SOX5: variants seen among roughly 807,000 people sequenced by gnomAD.
SOX5 encodes the protein transcription factor SOX-5.
A neutral mutation model predicts 92.0 loss-of-function variants in SOX5; 9 were observed. That is an observed-to-expected ratio of 0.10 (90% CI 0.06 to 0.17). SOX5 has a LOEUF of 0.17. Among genes scored for constraint, SOX5 ranks in the 10% least tolerant of loss-of-function variants. SOX5 has a pLI of 1.00. For synonymous variants in SOX5, 344 were observed against 336.3 expected (o/e 1.02, Z -0.25); for missense variants, 642 against 944.5 (o/e 0.68, Z 4.20).
chr12:23,655,991 C>T (rs952161054), intron 7 of SOX5, among the ~76,000 whole-genome samples: 2 of 141,676 alleles, frequency 1.4e-5, no homozygotes, highest in South Asian at 2.2e-4. Context: ...AATAATTTGA[C>T]TTCTTTAGAA....
intron 1 of SOX5, among the ~76,000 whole-genome samples, chr12:24,377,533 A>C (rs567755844): frequency 6.6e-6 from 1 of 152,242 alleles, no homozygotes; most frequent in Non-Finnish European, 1.5e-5. Context: ...CAAAGTTGAA[A>C]TTGGAAGACA....
At chr12:24,343,389 T>C (rs959596916) in intron 2 of SOX5, among the ~76,000 whole-genome samples, 1 of 151,934 alleles carries the variant, frequency 6.6e-6, no homozygotes, top group East Asian at 1.9e-4. Context: ...CTATTGGAAC[T>C]TCAGTTCACT....
intron 2 of SOX5, among the ~76,000 whole-genome samples, chr12:24,320,167 AG>A (rs920145836): frequency 2.6e-5 from 4 of 152,216 alleles, no homozygotes; most frequent in Non-Finnish European, 5.9e-5. Context: ...AAATTACCAA[AG>A]GGGGAAAAGT....
intron 4 of SOX5, among the ~76,000 whole-genome samples, chr12:24,151,355 A>T (rs1339247396): frequency 6.6e-6 from 1 of 152,184 alleles, no homozygotes; most frequent in African/African-American, 2.4e-5. Context: ...TTCATGAAAA[A>T]AAATTCTACA....
chr12:24,311,444 T>C (rs544772493), intron 2 of SOX5, among the ~76,000 whole-genome samples: 1 of 152,288 alleles, frequency 6.6e-6, no homozygotes, highest in South Asian at 2.1e-4. Context: ...TATTATTTTT[T>C]GTCCCCTGCA....
At position 23,970,841 on chromosome 12, in the gene SOX5, A is replaced by ATATATATATATATATATATATTTTT; in HGVS notation, c.-1-74818_-1-74817insAAAAATATATATATATATATATATA. Reference sequence around the variant, plus strand: ...ACATGGGACTTTATATATATATATAATTTTTTTTTTTTTTTAAGAAATGGG... The same window carrying ATATATATATATATATATATATTTTT: ...ACATGGGACTTTATATATATATATAATATATATATATATATATATATTTTTTTTTTTTTTTTTTTTAAGAAATGGG... On this transcript the variant is annotated intron_variant, in intron 4 of 4. Coordinates refer to the SOX5 transcript ENST00000446891. Among the ~76,000 whole-genome samples, 63 of 21,866 alleles carry ATATATATATATATATATATATTTTT rather than the reference A, an allele frequency of 2.9e-3. 14 individuals are homozygous for ATATATATATATATATATATATTTTT. Among genetic ancestry groups the ATATATATATATATATATATATTTTT allele is most frequent in the African/African-American group, 5.5e-3 (44 of 8,032 alleles). The allele number at this position is 21,866 out of a possible 152,430, so 14.3% of individuals were successfully genotyped here.
At chr12:23,635,600 C>A (rs2138566016) in intron 8 of SOX5, among the ~76,000 whole-genome samples, 1 of 151,970 alleles carries the variant, frequency 6.6e-6, no homozygotes, top group Non-Finnish European at 1.5e-5. Context: ...TGCAGCACAC[C>A]AACATGGCAC....
intron 1 of SOX5, among the ~76,000 whole-genome samples, chr12:24,509,623 GC>G (rs1949119388): frequency 6.6e-6 from 1 of 152,154 alleles, no homozygotes; most frequent in Non-Finnish European, 1.5e-5. Flanking sequence ...AGTCATGAAA[GC>G]ATAGAGAACT....
chr12:24,348,503 C>G (rs1349966230), intron 2 of SOX5, among the ~76,000 whole-genome samples: 1 of 152,088 alleles, frequency 6.6e-6, no homozygotes, highest in Non-Finnish European at 1.5e-5. Flanking sequence ...CTGCCTCAGC[C>G]TCCCGAATAG....
At chr12:23,641,779 A>G (rs898117286) in intron 7 of SOX5, among the ~76,000 whole-genome samples, 1 of 152,248 alleles carries the variant, frequency 6.6e-6, no homozygotes, top group Non-Finnish European at 1.5e-5. Flanking sequence ...ACATGACCAT[A>G]GCAAATAACT....
At chr12:24,448,534 G>C (rs540155492) in intron 1 of SOX5, among the ~76,000 whole-genome samples, 2 of 152,170 alleles carry the variant, frequency 1.3e-5, no homozygotes, top group African/African-American at 4.8e-5. Context: ...GAACTACAGG[G>C]GACTTCTTGG....
intron 1 of SOX5, among the ~76,000 whole-genome samples, chr12:24,516,936 G>C (rs1949841384): frequency 6.6e-6 from 1 of 151,940 alleles, no homozygotes; most frequent in Non-Finnish European, 1.5e-5. Context: ...CTGTTCCAAT[G>C]CTTTAACTCC....
At chr12:23,757,607 A>T (rs1255450939) in intron 3 of SOX5, among the ~76,000 whole-genome samples, 1 of 151,978 alleles carries the variant, frequency 6.6e-6, no homozygotes, top group Non-Finnish European at 1.5e-5. Flanking sequence ...CTTGAGTAGC[A>T]TGTAAACAGG....
At chr12:23,645,050 T>TA (rs2080650986) in intron 7 of SOX5, among the ~76,000 whole-genome samples, 1 of 152,222 alleles carries the variant, frequency 6.6e-6, no homozygotes, top group Non-Finnish European at 1.5e-5. Context: ...AGAATTCTGC[T>TA]AGCTGCTCTG....
chr12:24,380,456 A>C (rs1199917521), intron 1 of SOX5, among the ~76,000 whole-genome samples: 1 of 152,168 alleles, frequency 6.6e-6, no homozygotes, highest in African/African-American at 2.4e-5. Context: ...GCAACATATA[A>C]TTTCATAAAG....
chr12:23,994,644 G>A (rs1021317525), intron 4 of SOX5, among the ~76,000 whole-genome samples: 1 of 152,136 alleles, frequency 6.6e-6, no homozygotes, highest in African/African-American at 2.4e-5. Context: ...ACATGAGCAT[G>A]GTGGGGGCCA....
rs143288361 is a variant in SOX5 at position 24,152,997 on chromosome 12, A to T, written c.-2+60346T>A. Among the ~76,000 whole-genome samples the T allele has an allele frequency of 2.6e-3, 398 of 152,240 alleles. 1 individual carries two copies. The highest frequency in any genetic ancestry group is 4.9e-3 in the Non-Finnish European group (332 of 68,004). On this transcript the variant is annotated intron_variant, in intron 4 of 4. Coordinates refer to the SOX5 transcript ENST00000446891. The stretch of plus-strand genomic sequence containing the variant: ...AAGACTCTGATGAGTTAAATGGTGT[A>T]AAGTGTTCTCACGCCCTATGTGGAG...
At chr12:24,418,402 T>C (rs1179417282) in intron 1 of SOX5, among the ~76,000 whole-genome samples, 1 of 152,174 alleles carries the variant, frequency 6.6e-6, no homozygotes, top group East Asian at 1.9e-4. Context: ...CACTTGGAAA[T>C]GAGGTTTGGA....
intron 1 of SOX5, among the ~76,000 whole-genome samples, chr12:24,382,274 T>A (rs1455241219): frequency 3.9e-5 from 6 of 151,964 alleles, no homozygotes; most frequent in Admixed American, 3.9e-4. Flanking sequence ...TTGGAATGAG[T>A]CACGCGGTTA....
Sources: allele counts gnomAD v4.1 joint callset (sites outside exome capture counted in the v4.1 genomes callset), GRCh38; gene constraint gnomAD v4.1.1; transcripts MANE v1.5; gene names NCBI Gene and HGNC (gene_info 2026-07-23, HGNC 2026-07-21).